KCNH3: variants seen among roughly 807,000 people sequenced by gnomAD.
KCNH3 encodes potassium voltage-gated channel subfamily H member 3, also known as voltage-gated inwardly rectifying potassium channel KCNH3.
KCNH3 carries 36 observed loss-of-function variants against 95.6 expected under a neutral mutation model. The ratio of observed to expected loss-of-function variants is 0.38; its 90% CI spans 0.29 to 0.50. The LOEUF is 0.50. Ranked by LOEUF, KCNH3 falls within the 20% of genes least tolerant of loss-of-function variation. The probability of loss-of-function intolerance (pLI) is 0.95; values close to 1 mark genes in which losing one functional copy is unlikely to be tolerated. For synonymous variants in KCNH3, 620 were observed against 646.3 expected, an observed-to-expected ratio of 0.96 and a Z score of 0.62; for missense variants, 1,030 against 1,484.1, an observed-to-expected ratio of 0.69 and a Z score of 5.03.
At chr12:49,544,513 G>A in intron 7 of KCNH3, 131 bp downstream of exon 7, 3 of 884,722 alleles carry the variant, frequency 3.4e-6, no homozygotes, top group East Asian at 2.6e-5. Flanking sequence ...AGAAGAGGGT[G>A]TGCAGGTGTG....
intron 6 of KCNH3, 34 bp from the exon 7 acceptor site, chr12:49,544,141 T>TACCAACCAA: frequency 7.1e-7 from 1 of 1,413,418 alleles, no homozygotes; most frequent in Non-Finnish European, 9.7e-7. Flanking sequence ...CCCGCTGACC[T>TACCAACCAA]CCCTCCCTCC....
chr12:49,548,508 G>A (rs1938145485), intron 7 of KCNH3, among the ~76,000 whole-genome samples: 1 of 152,134 alleles, frequency 6.6e-6, no homozygotes, highest in South Asian at 2.1e-4. Context: ...GAGTCCCGTT[G>A]GACAGGTGGA....
chr12:49,539,554 T>TC lies in KCNH3; in HGVS notation c.76+66dup. On this transcript the variant is annotated intron_variant, in intron 1 of 14. Transcript: ENST00000257981. The surrounding 1 kb of genome is among the most constrained non-coding windows in gnomAD (Gnocchi z 6.7). Reference sequence around the variant, plus strand: ...CGGACCCTCGCCAGGGCTCCCGCCTTCCCCGAACCCCCAGCAGCCCAGCTT... The same window carrying TC: ...CGGACCCTCGCCAGGGCTCCCGCCTTCCCCCGAACCCCCAGCAGCCCAGCTT... The TC allele has an allele frequency of 1.4e-6, 2 of 1,441,982 alleles. No individual in the cohort carries two copies. 89.3% of individuals were successfully genotyped at this position (1,441,982 alleles called of 1,614,324 possible).
intron 11 of KCNH3, among the ~76,000 whole-genome samples, 183 bp downstream of exon 11, chr12:49,554,737 C>T (rs911578418): frequency 7.2e-5 from 11 of 152,230 alleles, no homozygotes; most frequent in Admixed American, 6.5e-4. Flanking sequence ...CCAGCATGTG[C>T]AGCCACCCCT....
At position 49,555,709 on chromosome 12, in the gene KCNH3, C is replaced by T; in HGVS notation, c.2226C>T (p.Ser742=). 1 of 1,612,768 alleles carries T rather than the reference C, an allele frequency of 6.2e-7. No individual in the cohort carries two copies. Among genetic ancestry groups the T allele is most frequent in the Non-Finnish European group, 8.5e-7 (1 of 1,179,544 alleles). The change falls in exon 12 of 15, where the codon TCC becomes TCT. Residue 742 remains serine (S), a synonymous_variant. Coordinates refer to ENST00000257981, the MANE Select transcript of KCNH3 (RefSeq NM_012284.3). The stretch of plus-strand genomic sequence containing the variant: ...ATGGGGAGCAGGGCCCCACGGTCTC[C>T]CCAGCCCCAGCTGATGAGCCCTCCA... The part of the protein sequence containing the change: ...ETDGEQGPTV[S]PAPADEPSSP...
intron 10 of KCNH3, among the ~76,000 whole-genome samples, chr12:49,551,453 G>A (rs912012513): frequency 2.0e-5 from 3 of 151,764 alleles, no homozygotes; most frequent in Admixed American, 6.6e-5. Flanking sequence ...GTGGACACCT[G>A]TAATCCAGGC....
At chr12:49,556,277 C>A in intron 12 of KCNH3, 93 bp from the exon 13 acceptor site, 1 of 910,842 alleles carries the variant, frequency 1.1e-6, no homozygotes, top group Non-Finnish European at 1.8e-6. Context: ...GCTCCTGCAG[C>A]CTGTGTGTGT....
chr12:49,547,026 C>G (rs924271570), intron 7 of KCNH3, among the ~76,000 whole-genome samples: 2 of 148,272 alleles, frequency 1.3e-5, no homozygotes, highest in Admixed American at 1.3e-4. Flanking sequence ...TCCCGAGTAG[C>G]TGGGATTACA....
intron 10 of KCNH3, among the ~76,000 whole-genome samples, chr12:49,553,307 TTGC>T (rs1262523002): frequency 6.6e-6 from 1 of 152,118 alleles, no homozygotes; most frequent in Non-Finnish European, 1.5e-5. Context: ...AGCTTAATTT[TTGC>T]TGCTGTTGTT....
At position 49,544,276 on chromosome 12, in the gene KCNH3, A is replaced by C. The variant is rs1937982353; in HGVS notation, c.1083A>C (p.Thr361=). The change falls in exon 7 of 15, where the codon ACA becomes ACC. Residue 361 remains threonine (T), a synonymous_variant. Coordinates refer to ENST00000257981, the MANE Select transcript of KCNH3 (RefSeq NM_012284.3). ...RYSQYSAVVL[T]LLMAVFALLA... is the part of the protein sequence containing the mutation. ...CGCAGTACAGCGCCGTGGTGCTGAC[A>C]CTGCTCATGGCCGTGTTCGCCCTGC... 1 of 1,610,772 alleles carries C rather than the reference A, an allele frequency of 6.2e-7. No homozygotes were observed.
intron 8 of KCNH3, 89 bp downstream of exon 8, chr12:49,549,262 C>CG: frequency 6.7e-7 from 1 of 1,491,562 alleles, no homozygotes; most frequent in Non-Finnish European, 9.0e-7. Flanking sequence ...GGCCTGAGGC[C>CG]GGGGGCTCTT....
chr12:49,542,900 G>T, intron 4 of KCNH3, 61 bp downstream of exon 4: 1 of 1,570,270 alleles, frequency 6.4e-7, no homozygotes. Context: ...ATGGGGAAGG[G>T]GAACCTGATC....
At chr12:49,553,116 A>G (rs1318681802) in intron 10 of KCNH3, among the ~76,000 whole-genome samples, 1 of 151,144 alleles carries the variant, frequency 6.6e-6, no homozygotes, top group East Asian at 1.9e-4. Flanking sequence ...CCAAGCCCGG[A>G]CTGCGTGCCT....
intron 8 of KCNH3, 112 bp downstream of exon 8, chr12:49,549,285 G>GC: frequency 6.8e-7 from 1 of 1,465,154 alleles, no homozygotes. Context: ...GCTTTAGGTG[G>GC]CCGCGGAACC....
chr12:49,546,626 A>G (rs1345207087), intron 7 of KCNH3, among the ~76,000 whole-genome samples: 1 of 152,054 alleles, frequency 6.6e-6, no homozygotes, highest in Non-Finnish European at 1.5e-5. Flanking sequence ...GAGGGAGAGA[A>G]CTCAGAGCAC....
chr12:49,555,862 T>C lies in KCNH3; in HGVS notation c.2379T>C (p.Ala793=). The change falls in exon 12 of 15, where the codon GCT becomes GCC. Residue 793 remains alanine (A), a synonymous_variant. Coordinates refer to ENST00000257981, the MANE Select transcript of KCNH3 (RefSeq NM_012284.3). ...CAGGCAGGGCAGGGGCTTTGAAGGC[T>C]GAGGCTGGCCCCTCTGCTCCCCCAC... The part of the protein sequence containing the change: ...GRPGRAGALK[A]EAGPSAPPRA... 1 of 1,611,402 alleles carries C rather than the reference T, an allele frequency of 6.2e-7. No individual in the cohort carries two copies. The highest frequency in any genetic ancestry group is 8.5e-7 in the Non-Finnish European group (1 of 1,178,966).
Position 49,550,299 on chromosome 12 carries a change from C to T in KCNH3, c.1888C>T (p.Leu630Phe), listed in dbSNP as rs1340266528. ...YFVCSGSMEVLKGGTVLAILG... is the reference protein window; with the variant it reads ...YFVCSGSMEVFKGGTVLAILG... The stretch of plus-strand genomic sequence containing the variant: ...TGTCTGCTCTGGCTCCATGGAGGTG[C>T]TCAAGGGTGGCACCGTGCTCGCCAT... Residue 630 changes from leucine to phenylalanine, a missense_variant, in exon 10 of 15, where the codon CTC becomes TTC. Physicochemically the swap from Leu to Phe is conservative, Grantham distance 22. Around this residue, in one of 9 missense-constraint regions of KCNH3, gnomAD observed 160 missense variants for 316.2 expected, o/e 0.51. Coordinates refer to ENST00000257981, the MANE Select transcript of KCNH3 (RefSeq NM_012284.3). 6.2e-7 allele frequency: 1 copy of T among 1,608,384 alleles called. No homozygotes were observed. Among genetic ancestry groups the T allele is most frequent in the South Asian group, 1.1e-5 (1 of 91,024 alleles).
At position 49,542,692 on chromosome 12, in the gene KCNH3, C is replaced by G; in HGVS notation, c.446-14C>G. The G allele has an allele frequency of 6.4e-7, 1 of 1,562,162 alleles. No homozygotes were observed. Among genetic ancestry groups the G allele is most frequent in the Non-Finnish European group, 8.7e-7 (1 of 1,153,966 alleles). Reference sequence around the variant, plus strand: ...ACACACCCATCATCTTCATGGGCCCCTCTTCTTTCGCAGGTGGTGGCCGGC... The same window carrying G: ...ACACACCCATCATCTTCATGGGCCCGTCTTCTTTCGCAGGTGGTGGCCGGC... On this transcript the variant is annotated splice_polypyrimidine_tract_variant and intron_variant, in intron 3 of 14. Coordinates refer to ENST00000257981, the MANE Select transcript of KCNH3 (RefSeq NM_012284.3).
intron 1 of KCNH3, among the ~76,000 whole-genome samples, chr12:49,540,230 T>C (rs1004829286): frequency 1.3e-5 from 2 of 152,138 alleles, no homozygotes; most frequent in Admixed American, 6.5e-5. Flanking sequence ...AGCCCAGCCC[T>C]GCGCTCTCCC....
Sources: gnomAD v4.1 joint callset for allele counts (sites outside exome capture counted in the v4.1 genomes callset) on GRCh38, gnomAD v4.1.1 for gene constraint, gnomAD v4.1.1 regional missense constraint, Gnocchi (gnomAD v3.1) non-coding constraint, MANE v1.5 for transcripts, NCBI Gene and HGNC (gene_info 2026-07-23, HGNC 2026-07-21) for gene names.